The following KCNK10 variants were observed in gnomAD, a reference collection of about 807,000 sequenced individuals.
KCNK10 encodes potassium channel subfamily K member 10.
KCNK10 carries 25 observed loss-of-function variants against 47.7 expected under a neutral mutation model. That is an observed-to-expected ratio of 0.52 (90% CI 0.38 to 0.73). The LOEUF (loss-of-function observed/expected upper bound fraction) is 0.73, where lower values mean the gene tolerates loss of function less well. Among genes scored for constraint, KCNK10 ranks in the 30% least tolerant of loss-of-function variants. KCNK10 has a pLI of 0.00. For missense variants in KCNK10, 563 were observed against 714.5 expected (o/e 0.79, Z 2.42); for synonymous variants, 303 against 285.6 (o/e 1.06, Z -0.61).
chr14:88,292,509 C>T (rs1887902092), intron 1 of KCNK10, among the ~76,000 whole-genome samples: 2 of 152,174 alleles, frequency 1.3e-5, no homozygotes. Context: ...GCCACAATGC[C>T]CAGCCAATTT....
chr14:88,245,808 AG>A (rs1886621258), intron 2 of KCNK10, among the ~76,000 whole-genome samples: 1 of 152,238 alleles, frequency 6.6e-6, no homozygotes, highest in Non-Finnish European at 1.5e-5. Context: ...TGTCCAAAGC[AG>A]GGAACTTGCA....
At position 88,192,269 on chromosome 14, in the gene KCNK10, C is replaced by T. The variant is rs1884773615; in HGVS notation, c.823G>A (p.Val275Met). The T allele has an allele frequency of 6.2e-7, 1 of 1,613,916 alleles. No homozygotes were observed. The highest frequency in any genetic ancestry group is 8.5e-7 in the Non-Finnish European group (1 of 1,179,916). Residue 275 changes from valine to methionine, a missense_variant, in exon 5 of 7, where the codon GTG becomes ATG. By Grantham distance (21) the Val-to-Met change is conservative. Coordinates refer to ENST00000319231, the MANE Select transcript of KCNK10 (RefSeq NM_138317.3). ...GWTALESIYF[V>M]VVTLTTVGFG... is the part of the protein sequence containing the mutation. The stretch of plus-strand genomic sequence containing the variant: ...CCCACCGTGGTCAGAGTGACCACCA[C>T]AAAGTAAATGGACTCCAAGGCCGTC...
rs367796569 is a variant in KCNK10 at position 88,205,358 on chromosome 14, C to G, written c.682-12948G>C. ...CTGACATTACCTCTTGCAGGAAGCC[C>G]TCTCCAGTTCTTGCTCTCTGCTGTC... On this transcript the variant is annotated intron_variant, in intron 4 of 6. Coordinates refer to ENST00000319231, the MANE Select transcript of KCNK10 (RefSeq NM_138317.3). Among the ~76,000 whole-genome samples, 9 of 152,142 alleles carry G rather than the reference C, an allele frequency of 5.9e-5. 1 individual carries two copies. The East Asian group carries it at 1.7e-3, about 29-fold the overall frequency.
At chr14:88,292,062 C>T (rs12895326) in intron 1 of KCNK10, among the ~76,000 whole-genome samples, 1 of 152,142 alleles carries the variant, frequency 6.6e-6, no homozygotes, top group East Asian at 1.9e-4. Context: ...ACAGGGTGGC[C>T]AAGAACTCAC....
rs1888573924 is a variant in KCNK10, at chr14:88,322,754, A to G, written c.45T>C (p.Asp15=). 1 of 1,614,142 alleles carries G rather than the reference A, an allele frequency of 6.2e-7. No homozygotes were observed. Residue 15 remains aspartate, a synonymous_variant, in exon 1 of 7, where the codon GAT becomes GAC. Coordinates refer to ENST00000319231, the MANE Select transcript of KCNK10 (RefSeq NM_138317.3). The surrounding 1 kb of genome is among the most constrained non-coding windows in gnomAD (Gnocchi z 4.8). ...AAAGTAGGAAACACCCACCTTTAGG[A>G]TCCCAGTTCACCTGTTTTCTTGGCG... ...IETPRKQVNW[D]PKVAVPAAAP...
At chr14:88,189,793 A>G (rs1003609641) in intron 5 of KCNK10, among the ~76,000 whole-genome samples, 9 of 152,214 alleles carry the variant, frequency 5.9e-5, no homozygotes, top group Admixed American at 2.0e-4. Flanking sequence ...TCGTTTTCCA[A>G]TGATTGGGCA....
chr14:88,264,259 G>C (rs757749109), intron 1 of KCNK10, among the ~76,000 whole-genome samples: 13 of 152,162 alleles, frequency 8.5e-5, no homozygotes, highest in Non-Finnish European at 1.5e-4. Flanking sequence ...CATTACTTTG[G>C]AAATAAATAG....
intron 2 of KCNK10, among the ~76,000 whole-genome samples, chr14:88,242,582 GC>G (rs1294656129): frequency 1.3e-5 from 2 of 152,130 alleles, no homozygotes; most frequent in Non-Finnish European, 2.9e-5. Flanking sequence ...ACTGTTTCTA[GC>G]AAAACCTGGC....
Position 88,322,045 on chromosome 14 carries a change from C to T in KCNK10, c.52+702G>A, listed in dbSNP as rs750597693. 6.6e-6 allele frequency among the ~76,000 whole-genome samples: 1 copy of T among 152,194 alleles called. No individual in the cohort carries two copies. On this transcript the variant is annotated intron_variant, in intron 1 of 6. Coordinates refer to ENST00000319231, the MANE Select transcript of KCNK10 (RefSeq NM_138317.3). The surrounding 1 kb of genome is among the most constrained non-coding windows in gnomAD (Gnocchi z 4.8). ...CGTGGATGAAACCTGGTCCAACATT[C>T]GTAAAAGCATGCAAACCACACCATT...
intron 2 of KCNK10, among the ~76,000 whole-genome samples, chr14:88,245,952 C>T (rs1434315527): frequency 6.6e-6 from 1 of 152,122 alleles, no homozygotes; most frequent in Non-Finnish European, 1.5e-5. Context: ...ATGGTGGCTG[C>T]GTCCACCACG....
intron 4 of KCNK10, among the ~76,000 whole-genome samples, chr14:88,207,195 C>G (rs1252946354): frequency 1.8e-5 from 2 of 108,158 alleles, no homozygotes; most frequent in Admixed American, 2.4e-4. Flanking sequence ...TTTTTTGAGA[C>G]AGATTCTCAC....
chr14:88,227,521 C>G lies in KCNK10; in HGVS notation c.535G>C (p.Ala179Pro). Residue 179 changes from alanine (A) to proline (P), a missense_variant, in exon 4 of 7, where the codon GCT (alanine) becomes CCT (proline). Ala to Pro is a conservative substitution (Grantham distance 27). Coordinates refer to ENST00000319231, the MANE Select transcript of KCNK10 (RefSeq NM_138317.3). ...ATTTTGCCTCCTTCAGTGCTCGGAGCAATATTCCCATACCCTGGTGAGAAA... is the reference window on the plus strand; with the variant it reads ...ATTTTGCCTCCTTCAGTGCTCGGAGGAATATTCCCATACCCTGGTGAGAAA... ...VITTIGYGNI[A>P]PSTEGGKIFC... 2.5e-6 allele frequency: 4 copies of G among 1,607,556 alleles called. No homozygotes were observed. Among genetic ancestry groups the G allele is most frequent in the Non-Finnish European group, 3.4e-6 (4 of 1,177,604 alleles).
intron 2 of KCNK10, 106 bp from the exon 3 acceptor site, chr14:88,240,926 C>T (rs1477680169): frequency 1.1e-5 from 7 of 659,318 alleles, no homozygotes; most frequent in Non-Finnish European, 1.8e-5. Flanking sequence ...ACTCAAGAAC[C>T]TGCAGTGATC....
chr14:88,215,525 G>T (rs545021729), intron 4 of KCNK10, among the ~76,000 whole-genome samples: 5 of 152,238 alleles, frequency 3.3e-5, no homozygotes, highest in African/African-American at 1.2e-4. Flanking sequence ...GATTTGTGTG[G>T]GGACACAGCC....
chr14:88,180,518 C>T lies in KCNK10; in HGVS notation c.*5017G>A. ...AGAGAGCTTCCGCAGTTACCTTCTG[C>T]AGCATAGGTCTGCTGAATCGACGGA... On this transcript the variant is annotated 3_prime_UTR_variant, in exon 7 of 7. Coordinates refer to ENST00000319231, the MANE Select transcript of KCNK10 (RefSeq NM_138317.3). 1 of 304,534 alleles carries T rather than the reference C, an allele frequency of 3.3e-6. No homozygotes were observed. Among genetic ancestry groups the T allele is most frequent in the African/African-American group, 2.2e-5 (1 of 46,462 alleles). 18.9% of individuals were successfully genotyped at this position (304,534 alleles called of 1,614,324 possible).
At chr14:88,292,175 T>C (rs1158640661) in intron 1 of KCNK10, among the ~76,000 whole-genome samples, 1 of 152,166 alleles carries the variant, frequency 6.6e-6, no homozygotes, top group Non-Finnish European at 1.5e-5. Flanking sequence ...ACCTTCTCCC[T>C]GCCCCTTGAC....
At chr14:88,261,244 C>T (rs146057470) in intron 2 of KCNK10, among the ~76,000 whole-genome samples, 1 of 152,324 alleles carries the variant, frequency 6.6e-6, no homozygotes, top group Non-Finnish European at 1.5e-5. Context: ...ACTAGATTCA[C>T]TTCAGAACGC....
rs906188841 is a variant in KCNK10, at chr14:88,304,742, G to C, written c.52+18005C>G. 8.5e-5 allele frequency among the ~76,000 whole-genome samples: 13 copies of C among 152,216 alleles called. 1 individual carries two copies. The highest frequency in any genetic ancestry group is 2.9e-4 in the African/African-American group (12 of 41,454). On this transcript the variant is annotated intron_variant, in intron 1 of 6. Coordinates refer to ENST00000319231, the MANE Select transcript of KCNK10 (RefSeq NM_138317.3). ...TCCAGTGTTCCTAAGTGCAAGATGC[G>C]AGGTGCCTTATGGAGAAAATATGTG...
chr14:88,290,889 T>C (rs935504698), intron 1 of KCNK10, among the ~76,000 whole-genome samples: 8 of 152,108 alleles, frequency 5.3e-5, no homozygotes, highest in Non-Finnish European at 8.8e-5. Context: ...ACCATGCAAG[T>C]TGTGCAGAAG....
Sources: allele counts gnomAD v4.1 joint callset (sites outside exome capture counted in the v4.1 genomes callset), GRCh38; gene constraint gnomAD v4.1.1; non-coding constraint Gnocchi (gnomAD v3.1); transcripts MANE v1.5; gene names NCBI Gene and HGNC (gene_info 2026-07-23, HGNC 2026-07-21).